ZDHHC3: variants seen among roughly 807,000 people sequenced by gnomAD.
ZDHHC3 encodes palmitoyltransferase ZDHHC3.
ZDHHC3 carries 9 observed loss-of-function variants against 30.6 expected under a neutral mutation model. The ratio of observed to expected loss-of-function variants is 0.29; its 90% CI spans 0.18 to 0.51. ZDHHC3 has a LOEUF of 0.51. ZDHHC3 is among the 20% of genes least tolerant of loss of function. The pLI is 0.97. For synonymous variants in ZDHHC3, 136 were observed against 140.2 expected (o/e 0.97, Z 0.21); for missense variants, 246 against 384.2 (o/e 0.64, Z 3.01).
chr3:44,934,174 T>C (rs1021589417), intron 3 of ZDHHC3, among the ~76,000 whole-genome samples, 190 bp from the exon 4 acceptor site: 2 of 152,104 alleles, frequency 1.3e-5, no homozygotes, highest in African/African-American at 4.8e-5. Flanking sequence ...GTGGCAGTCA[T>C]TCCAAACGGG....
At chr3:44,958,777 C>T (rs1704190605) in intron 2 of ZDHHC3, 14 of 1,082,646 alleles carry the variant, frequency 1.3e-5, no homozygotes, top group Non-Finnish European at 1.9e-5. Context: ...CTCCAGCATG[C>T]TTTCTGCTCT....
chr3:44,918,954 C>T lies in ZDHHC3; in HGVS notation c.*7735G>A. On this transcript the variant is annotated 3_prime_UTR_variant, in exon 7 of 7. Coordinates refer to ENST00000424952, the MANE Select transcript of ZDHHC3 (RefSeq NM_001135179.2). ...CCTCCACTGGGGGCACTGCTTTCTC[C>T]ATCTCTTCTGGAAGCCAAGGGAATT... 2 of 985,640 alleles carry T rather than the reference C, an allele frequency of 2.0e-6. No individual in the cohort carries two copies. Among genetic ancestry groups the T allele is most frequent in the Non-Finnish European group, 2.4e-6 (2 of 830,108 alleles). 61.1% of individuals were successfully genotyped at this position (985,640 alleles called of 1,614,324 possible). A position where few individuals can be genotyped will look rare whatever the true frequency, so the allele number is the denominator to read the frequency against.
At chr3:44,930,795 G>A (rs895622194) in intron 5 of ZDHHC3, among the ~76,000 whole-genome samples, 3 of 152,194 alleles carry the variant, frequency 2.0e-5, no homozygotes, top group Non-Finnish European at 4.4e-5. Flanking sequence ...GGGCTTGGTT[G>A]GGGTGGCCAC....
Position 44,918,148 on chromosome 3 carries a change from A to T in ZDHHC3, c.*8541T>A, listed in dbSNP as rs1317757006. 3 of 1,302,904 alleles carry T rather than the reference A, an allele frequency of 2.3e-6. No homozygotes were observed. Among genetic ancestry groups the T allele is most frequent in the Non-Finnish European group, 1.0e-6 (1 of 987,320 alleles). 80.7% of individuals were successfully genotyped at this position (1,302,904 alleles called of 1,614,324 possible). The stretch of plus-strand genomic sequence containing the variant: ...TCGTTTGAGGCGCTCGATGCCCTGC[A>T]GGGAGAAGGGGATGAAGAACATCGT... On this transcript the variant is annotated 3_prime_UTR_variant, in exon 7 of 7. Coordinates refer to ENST00000424952, the MANE Select transcript of ZDHHC3 (RefSeq NM_001135179.2).
chr3:44,938,928 C>A lies in ZDHHC3; in HGVS notation c.432-4944G>T, dbSNP rs370232819. 6.6e-5 allele frequency among the ~76,000 whole-genome samples: 10 copies of A among 152,372 alleles called. No individual in the cohort carries two copies. In the South Asian group the frequency reaches 1.4e-3, roughly 22 times the overall value. On this transcript the variant is annotated intron_variant, in intron 3 of 6. Coordinates refer to ENST00000424952, the MANE Select transcript of ZDHHC3 (RefSeq NM_001135179.2). ...GCAATGCAGACCTGAGTCCGCTGAGCTACCTTGGTCAAACTGGCTAACTCG... is the reference window on the plus strand; with the variant it reads ...GCAATGCAGACCTGAGTCCGCTGAGATACCTTGGTCAAACTGGCTAACTCG...
intron 2 of ZDHHC3, among the ~76,000 whole-genome samples, chr3:44,954,138 T>C (rs1433230449): frequency 1.3e-5 from 2 of 151,908 alleles, no homozygotes; most frequent in African/African-American, 4.8e-5. Flanking sequence ...CAGTGGCCGG[T>C]AGTGGTCTGA....
chr3:44,969,704 G>C (rs1705249217), intron 1 of ZDHHC3: 1 of 152,210 alleles, frequency 6.6e-6, no homozygotes, highest in African/African-American at 2.4e-5. Flanking sequence ...CTGAACATAA[G>C]CATTTTGGGC....
chr3:44,920,578 T>C lies in ZDHHC3; in HGVS notation c.*6111A>G, dbSNP rs1700524109. ...AGGCCATGACGGTGGCCAAGGCTCA[T>C]CTAGCTTGTTATGTATCAGAACTGG... On this transcript the variant is annotated 3_prime_UTR_variant, in exon 7 of 7. Transcript: ENST00000424952. The C allele has an allele frequency of 1.0e-6, 1 of 985,214 alleles. No homozygotes were observed. The highest frequency in any genetic ancestry group is 1.2e-6 in the Non-Finnish European group (1 of 829,880). The allele number at this position is 985,214 out of a possible 1,614,324, so 61.0% of individuals were successfully genotyped here. A position where few individuals can be genotyped will look rare whatever the true frequency, so the allele number is the denominator to read the frequency against.
Position 44,915,330 on chromosome 3 carries a change from T to G in ZDHHC3, c.*11359A>C, listed in dbSNP as rs1374664071. 2 of 152,184 alleles carry G rather than the reference T, an allele frequency of 1.3e-5. No individual in the cohort carries two copies. Among genetic ancestry groups the G allele is most frequent in the Non-Finnish European group, 2.9e-5 (2 of 68,042 alleles). The allele number at this position is 152,184 out of a possible 1,614,324, so 9.4% of individuals were successfully genotyped here. A position where few individuals can be genotyped will look rare whatever the true frequency, so the allele number is the denominator to read the frequency against. The stretch of plus-strand genomic sequence containing the variant: ...GCACCCAATCTCTCTCCCTGTAAGA[T>G]CTCATCTGGTTTTGACATCAGTTGC... On this transcript the variant is annotated 3_prime_UTR_variant, in exon 7 of 7. Coordinates refer to ENST00000424952, the MANE Select transcript of ZDHHC3 (RefSeq NM_001135179.2).
rs771981768 is a variant in ZDHHC3 at position 44,920,385 on chromosome 3, A to G, written c.*6304T>C. ...TTCATAGCACGAGAGCTGGGACATC[A>G]CCATATGGCAGACCCGGCTACAGAG... On this transcript the variant is annotated 3_prime_UTR_variant, in exon 7 of 7. Coordinates refer to ENST00000424952, the MANE Select transcript of ZDHHC3 (RefSeq NM_001135179.2). 1 of 1,284,142 alleles carries G rather than the reference A, an allele frequency of 7.8e-7. No individual in the cohort carries two copies. The highest frequency in any genetic ancestry group is 1.2e-5 in the South Asian group (1 of 80,902). 79.5% of individuals were successfully genotyped at this position (1,284,142 alleles called of 1,614,324 possible).
At position 44,918,827 on chromosome 3, in the gene ZDHHC3, G is replaced by GGCCAC; in HGVS notation, c.*7857_*7861dup. ...GGTGTCGGCTGCAACTCAGCCACCA[G>GGCCAC]GCCACAGAAAGGGTGTTGGGGTGGG... On this transcript the variant is annotated 3_prime_UTR_variant, in exon 7 of 7. Transcript: ENST00000424952. 1 of 987,680 alleles carries GGCCAC rather than the reference G, an allele frequency of 1.0e-6. No individual in the cohort carries two copies. The highest frequency in any genetic ancestry group is 1.2e-6 in the Non-Finnish European group (1 of 831,506). The allele number at this position is 987,680 out of a possible 1,614,324, so 61.2% of individuals were successfully genotyped here.
intron 2 of ZDHHC3, among the ~76,000 whole-genome samples, chr3:44,947,466 C>G (rs1191611095): frequency 1.3e-5 from 2 of 152,296 alleles, no homozygotes; most frequent in Non-Finnish European, 2.9e-5. Flanking sequence ...GTTTCCTAAT[C>G]AGTGAGGCAG....
intron 1 of ZDHHC3, among the ~76,000 whole-genome samples, chr3:44,964,794 G>T (rs1479763024): frequency 6.6e-6 from 1 of 152,204 alleles, no homozygotes; most frequent in South Asian, 2.1e-4. Context: ...CTAGAACAAT[G>T]ATCATTTTGT....
Position 44,918,252 on chromosome 3 carries a change from T to C in ZDHHC3, c.*8437A>G, listed in dbSNP as rs1700339870. 7 of 1,210,796 alleles carry C rather than the reference T, an allele frequency of 5.8e-6. No homozygotes were observed. Among genetic ancestry groups the C allele is most frequent in the Middle Eastern group, 3.7e-4 (1 of 2,680 alleles). 75.0% of individuals were successfully genotyped at this position (1,210,796 alleles called of 1,614,324 possible). On this transcript the variant is annotated 3_prime_UTR_variant, in exon 7 of 7. Coordinates refer to ENST00000424952, the MANE Select transcript of ZDHHC3 (RefSeq NM_001135179.2). ...CAGTGGCGGGGGGGGGGGCGGGGTG[T>C]CCACGGCATGGGTAAGATGGGGTCT...
At position 44,924,679 on chromosome 3, in the gene ZDHHC3, C is replaced by T. The variant is rs1191112950; in HGVS notation, c.*2010G>A. On this transcript the variant is annotated 3_prime_UTR_variant, in exon 7 of 7. Coordinates refer to ENST00000424952, the MANE Select transcript of ZDHHC3 (RefSeq NM_001135179.2). ...CCCTGGAAGATGGAGTATTACCAATCTCTTCCCCCTAGGGGAGGGCCAGAG... is the reference window on the plus strand; with the variant it reads ...CCCTGGAAGATGGAGTATTACCAATTTCTTCCCCCTAGGGGAGGGCCAGAG... 1 of 985,448 alleles carries T rather than the reference C, an allele frequency of 1.0e-6. No individual in the cohort carries two copies. Among genetic ancestry groups the T allele is most frequent in the South Asian group, 4.7e-5 (1 of 21,282 alleles). The allele number at this position is 985,448 out of a possible 1,614,324, so 61.0% of individuals were successfully genotyped here.
intron 1 of ZDHHC3, among the ~76,000 whole-genome samples, chr3:44,969,180 T>C (rs1235083822): frequency 6.6e-6 from 1 of 152,200 alleles, no homozygotes; most frequent in Non-Finnish European, 1.5e-5. Flanking sequence ...CATTTGACAA[T>C]GAACTGCCTT....
At chr3:44,929,177 CTG>C in intron 6 of ZDHHC3, 127 bp downstream of exon 6, 1 of 1,237,812 alleles carries the variant, frequency 8.1e-7, no homozygotes, top group Admixed American at 2.6e-5. Context: ...AAACAAAGAA[CTG>C]TGCCCTGCAC....
Position 44,918,554 on chromosome 3 carries a change from T to C in ZDHHC3, c.*8135A>G. 1 of 985,394 alleles carries C rather than the reference T, an allele frequency of 1.0e-6. No individual in the cohort carries two copies. The highest frequency in any genetic ancestry group is 1.2e-6 in the Non-Finnish European group (1 of 829,920). 61.0% of individuals were successfully genotyped at this position (985,394 alleles called of 1,614,324 possible). A position where few individuals can be genotyped will look rare whatever the true frequency, so the allele number is the denominator to read the frequency against. On this transcript the variant is annotated 3_prime_UTR_variant, in exon 7 of 7. Coordinates refer to ENST00000424952, the MANE Select transcript of ZDHHC3 (RefSeq NM_001135179.2). ...CTGGTGATCCCCTCCTAAATATTTT[T>C]GGCCACTCCCACCAGGGTAGATAGG...
rs1704261326 is a variant in ZDHHC3 at position 44,959,369 on chromosome 3, T to G, written c.68A>C (p.Lys23Thr). The G allele has an allele frequency of 6.2e-7, 1 of 1,614,102 alleles. No homozygotes were observed. The highest frequency in any genetic ancestry group is 1.3e-5 in the African/African-American group (1 of 74,926). ...ERKPEYLQPE[K>T]CVPPPYPGPV... ...ACCAGGGTAGGGGGGTGGGACACAC[T>G]TCTCTGGCTGGAGGTATTCTGGTTT... Residue 23 changes from lysine (K) to threonine (T), a missense_variant, in exon 2 of 7, where the codon AAG becomes ACG. Coordinates refer to ENST00000424952, the MANE Select transcript of ZDHHC3 (RefSeq NM_001135179.2). This position sits in a 1 kb window ranked among gnomAD's most constrained non-coding sequence, Gnocchi z 4.3.
Sources: gnomAD v4.1 joint callset for allele counts (sites outside exome capture counted in the v4.1 genomes callset) on GRCh38, gnomAD v4.1.1 for gene constraint, Gnocchi (gnomAD v3.1) non-coding constraint, MANE v1.5 for transcripts, NCBI Gene and HGNC (gene_info 2026-07-23, HGNC 2026-07-21) for gene names.